Variants in HTRA1 observed in about 807,000 individuals in gnomAD.
HTRA1 encodes serine protease HTRA1.
In HTRA1, 26 loss-of-function variants were observed where a neutral mutation model predicts 49.7. That is an observed-to-expected ratio of 0.52 (90% CI 0.38 to 0.73). HTRA1 has a LOEUF of 0.73. Among genes scored for constraint, HTRA1 ranks in the 30% least tolerant of loss-of-function variants. HTRA1 has a pLI of 0.00. For missense variants in HTRA1, 561 were observed against 667.2 expected (o/e 0.84, Z 1.75); for synonymous variants, 291 against 286.9 (o/e 1.01, Z -0.14).
chr10:122,477,210 G>A (rs1453261616), intron 1 of HTRA1, among the ~76,000 whole-genome samples: 71 of 152,130 alleles, frequency 4.7e-4, no homozygotes, highest in Non-Finnish European at 7.4e-4. Flanking sequence ...CTCATGATCT[G>A]CCCACCTTGG....
intron 1 of HTRA1, among the ~76,000 whole-genome samples, chr10:122,473,681 C>T (rs2097487156): frequency 6.6e-6 from 1 of 152,142 alleles, no homozygotes; most frequent in Non-Finnish European, 1.5e-5. Context: ...ACTACCAGCT[C>T]CAGGACACTT....
intron 3 of HTRA1, among the ~76,000 whole-genome samples, chr10:122,492,467 G>A (rs1350327639): frequency 2.0e-5 from 3 of 152,142 alleles, no homozygotes; most frequent in Admixed American, 6.5e-5. Flanking sequence ...CTGAGTGGCT[G>A]GGACTACAGG....
chr10:122,491,418 G>A (rs192850564), intron 3 of HTRA1, among the ~76,000 whole-genome samples: 1 of 152,254 alleles, frequency 6.6e-6, no homozygotes, highest in Non-Finnish European at 1.5e-5. Flanking sequence ...GAAGGAGCCA[G>A]TCAGAATAGC....
intron 3 of HTRA1, among the ~76,000 whole-genome samples, chr10:122,505,500 G>A (rs554172791): frequency 1.3e-5 from 2 of 152,044 alleles, no homozygotes; most frequent in Admixed American, 6.5e-5. Context: ...GCTCTGTCTC[G>A]AGTCACCCAG....
intron 1 of HTRA1, among the ~76,000 whole-genome samples, chr10:122,476,612 G>A (rs2097488587): frequency 6.6e-6 from 1 of 152,206 alleles, no homozygotes; most frequent in African/African-American, 2.4e-5. Context: ...CCGTTTGCAG[G>A]CACTCGGTCC....
chr10:122,503,400 G>A (rs1425388622), intron 3 of HTRA1, among the ~76,000 whole-genome samples: 2 of 152,252 alleles, frequency 1.3e-5, no homozygotes, highest in Non-Finnish European at 2.9e-5. Flanking sequence ...TTTGGAATGA[G>A]CTGAGGTGCC....
chr10:122,514,335 G>T lies in HTRA1; in HGVS notation c.1419G>T (p.Val473=). The T allele has an allele frequency of 6.2e-7, 1 of 1,614,134 alleles. No homozygotes were observed. The highest frequency in any genetic ancestry group is 1.7e-5 in the Admixed American group (1 of 60,022). Residue 473 remains valine, a synonymous_variant, in exon 9 of 9, where the codon GTG becomes GTT. Coordinates refer to ENST00000368984, the MANE Select transcript of HTRA1 (RefSeq NM_002775.5). ...RRGNEDIMIT[V]IPEEIDP ...GTAATGAAGATATCATGATCACAGT[G>T]ATTCCCGAAGAAATTGACCCATAGG...
chr10:122,494,049 G>C lies in HTRA1; in HGVS notation c.777+4423G>C, dbSNP rs2097497237. Among the ~76,000 whole-genome samples, 2 of 152,118 alleles carry C rather than the reference G, an allele frequency of 1.3e-5. No homozygotes were observed. The highest frequency in any genetic ancestry group is 4.8e-5 in the African/African-American group (2 of 41,416). ...CATCTCTCCCCACCCCGCTGTGTGA[G>C]GTAGCGCCCCATGCCCCAGTCCCCT... On this transcript the variant is annotated intron_variant, in intron 3 of 8. Transcript: ENST00000368984. This position sits in a 1 kb window ranked among gnomAD's most constrained non-coding sequence, Gnocchi z 4.0.
intron 1 of HTRA1, among the ~76,000 whole-genome samples, chr10:122,483,016 T>A (rs2097491701): frequency 6.6e-6 from 1 of 151,216 alleles, no homozygotes; most frequent in African/African-American, 2.4e-5. Context: ...ATACTCCCCA[T>A]ACTGTGATTT....
At chr10:122,472,874 G>T (rs964038931) in intron 1 of HTRA1, among the ~76,000 whole-genome samples, 1 of 152,110 alleles carries the variant, frequency 6.6e-6, no homozygotes, top group African/African-American at 2.4e-5. Flanking sequence ...ACAAAAACTG[G>T]GAAGAAGGAT....
rs765112668 is a variant in HTRA1, at chr10:122,488,998, G to T, written c.569G>T (p.Arg190Leu). ...APAVVHIELF[R>L]KLPFSKREVP... ...GCCGTGGTTCATATCGAATTGTTTC[G>T]CAAGTAAAGAGAGCCTTCCTTTTTC... is the stretch of plus-strand genomic sequence containing the variant. The change falls in exon 2 of 9, where the codon CGC becomes CTC. Residue 190 changes from arginine to leucine, a missense_variant. Physicochemically the swap from Arg to Leu is moderately radical, Grantham distance 102 (BLOSUM62 -2). Transcript: ENST00000368984. 1.9e-6 allele frequency: 3 copies of T among 1,611,204 alleles called. No individual in the cohort carries two copies. Among genetic ancestry groups the T allele is most frequent in the Middle Eastern group, 1.7e-4 (1 of 6,058 alleles).
intron 1 of HTRA1, among the ~76,000 whole-genome samples, chr10:122,485,180 C>T (rs750636780): frequency 2.0e-5 from 3 of 152,226 alleles, no homozygotes; most frequent in Non-Finnish European, 4.4e-5. Context: ...TTTCAGTTGA[C>T]ATTTTGTCCA....
intron 8 of HTRA1, among the ~76,000 whole-genome samples, chr10:122,513,258 A>T (rs1933784329): frequency 6.6e-6 from 1 of 152,168 alleles, no homozygotes. Context: ...GTGCCTCTTA[A>T]CAGAAACATT....
At position 122,494,236 on chromosome 10, in the gene HTRA1, C is replaced by T. The variant is rs930980278; in HGVS notation, c.777+4610C>T. 5.3e-5 allele frequency among the ~76,000 whole-genome samples: 8 copies of T among 152,142 alleles called. No homozygotes were observed. Among genetic ancestry groups the T allele is most frequent in the African/African-American group, 7.2e-5 (3 of 41,444 alleles). On this transcript the variant is annotated intron_variant, in intron 3 of 8. Transcript: ENST00000368984. The surrounding 1 kb of genome is among the most constrained non-coding windows in gnomAD (Gnocchi z 4.0). ...TGGACTGCGGGGTTGGGGGCACATC[C>T]GGCTGTCGGTCCTCAGGTAGGAGGT...
At chr10:122,465,379 T>C (rs551164721) in intron 1 of HTRA1, among the ~76,000 whole-genome samples, 107 of 152,280 alleles carry the variant, frequency 7.0e-4, no homozygotes, top group African/African-American at 2.4e-3. Context: ...GCCGGGTGCA[T>C]ACTAATTCAT....
chr10:122,506,964 C>A lies in HTRA1; in HGVS notation c.972+79C>A. On this transcript the variant is annotated intron_variant, in intron 4 of 8. Transcript: ENST00000368984. This position sits in a 1 kb window ranked among gnomAD's most constrained non-coding sequence, Gnocchi z 5.2. ...AGAGGAGTCAGCATAGGTCTTAGCCCCTGACTTTGTTGTAGTCTGCGTGAA... is the reference window on the plus strand; with the variant it reads ...AGAGGAGTCAGCATAGGTCTTAGCCACTGACTTTGTTGTAGTCTGCGTGAA... 7.7e-7 allele frequency: 1 copy of A among 1,306,330 alleles called. No individual in the cohort carries two copies. The highest frequency in any genetic ancestry group is 1.1e-6 in the Non-Finnish European group (1 of 919,544). The allele number at this position is 1,306,330 out of a possible 1,614,324, so 80.9% of individuals were successfully genotyped here.
intron 1 of HTRA1, among the ~76,000 whole-genome samples, chr10:122,488,629 T>C (rs1262612727): frequency 2.6e-5 from 4 of 151,906 alleles, no homozygotes; most frequent in Non-Finnish European, 4.4e-5. Flanking sequence ...TGGTGTGAGG[T>C]TGAAGCATTT....
At chr10:122,477,513 C>T (rs1591028046) in intron 1 of HTRA1, among the ~76,000 whole-genome samples, 1 of 152,304 alleles carries the variant, frequency 6.6e-6, no homozygotes, top group Admixed American at 6.5e-5. Flanking sequence ...CTGATGGCAG[C>T]TGAGGAGTGT....
chr10:122,501,655 A>G (rs1308639787), intron 3 of HTRA1, among the ~76,000 whole-genome samples: 1 of 152,034 alleles, frequency 6.6e-6, no homozygotes, highest in East Asian at 1.9e-4. Context: ...CCCTCCTCCA[A>G]CGAGTGCTGA....
Sources: allele counts gnomAD v4.1 joint callset (sites outside exome capture counted in the v4.1 genomes callset), GRCh38; gene constraint gnomAD v4.1.1; non-coding constraint Gnocchi (gnomAD v3.1); transcripts MANE v1.5; gene names NCBI Gene and HGNC (gene_info 2026-07-23, HGNC 2026-07-21).